Variants in IGFN1 observed in about 807,000 individuals in gnomAD.
IGFN1 encodes immunoglobulin-like and fibronectin type III domain-containing protein 1.
In IGFN1, 253 loss-of-function variants were observed where a neutral mutation model predicts 289.5. That is an observed-to-expected ratio of 0.87 (90% confidence interval 0.79 to 0.97). The LOEUF is 0.97. IGFN1 is among the 50% of genes least tolerant of loss of function. The pLI is 0.00. For missense variants in IGFN1, 4,470 were observed against 4,686.1 expected (o/e 0.95, Z 1.35); for synonymous variants, 1,706 against 1,788.5 (o/e 0.95, Z 1.16).
chr1:201,206,044 TG>T, intron 11 of IGFN1, 38 bp from the exon 12 acceptor site: 1 of 1,350,480 alleles, frequency 7.4e-7, no homozygotes, highest in Non-Finnish European at 1.0e-6. Context: ...TCTCTCCATG[TG>T]GGCACTGACC....
Position 201,209,194 on chromosome 1 carries a change from TG to T in IGFN1, c.4304del (p.Gly1435AlafsTer12). The T allele has an allele frequency of 1.3e-6, 2 of 1,499,396 alleles. No individual in the cohort carries two copies. Among genetic ancestry groups the T allele is most frequent in the Non-Finnish European group, 8.8e-7 (1 of 1,131,472 alleles). The allele number at this position is 1,499,396 out of a possible 1,614,324, so 92.9% of individuals were successfully genotyped here. A position where few individuals can be genotyped will look rare whatever the true frequency, so the allele number is the denominator to read the frequency against. On this transcript the variant is annotated frameshift_variant, in exon 12 of 24. Coordinates refer to ENST00000335211, the MANE Select transcript of IGFN1 (RefSeq NM_001164586.2). LOFTEE classifies it high-confidence loss of function. ...YREDLGAPEG[M>X]GTGSKAGYRD... ...GAGGATTTGGGGGCTCCTGAGGGAATGGGCACAGGGAGCAAGGCAGGTTATA... is the reference window on the plus strand; with the variant it reads ...GAGGATTTGGGGGCTCCTGAGGGAATGGCACAGGGAGCAAGGCAGGTTATA...
In IGFN1 at chr1:201,217,348, G is replaced by A; in HGVS notation, c.9657G>A (p.Leu3219=). The A allele has an allele frequency of 1.2e-6, 2 of 1,614,164 alleles. No homozygotes were observed. Among genetic ancestry groups the A allele is most frequent in the Non-Finnish European group, 1.7e-6 (2 of 1,180,020 alleles). ...ILSASSQGIT[L]TWTAPRGPGS... ...CGGCCTCCAGCCAGGGCATCACACT[G>A]ACATGGACAGCACCTCGGGGCCCCG... The change falls in exon 17 of 24, where the codon CTG becomes CTA. Residue 3219 remains leucine, a synonymous_variant. Coordinates refer to ENST00000335211, the MANE Select transcript of IGFN1 (RefSeq NM_001164586.2).
Position 201,211,218 on chromosome 1 carries a change from G to T in IGFN1, c.6325G>T (p.Asp2109Tyr), listed in dbSNP as rs1399750414. Residue 2109 changes from aspartate (D) to tyrosine (Y), a missense_variant, in exon 12 of 24, where the codon GAT becomes TAT. By Grantham distance (160) the Asp-to-Tyr change is radical. This residue lies in a region of IGFN1 where 2,218 missense variants were observed against 2,114.1 expected (regional missense o/e 1.05). Coordinates refer to ENST00000335211, the MANE Select transcript of IGFN1 (RefSeq NM_001164586.2). The stretch of plus-strand genomic sequence containing the variant: ...AATGGATGAGGCAGGTTATAGGAAG[G>T]ATTTGGGGGCTCCTGAGGGAATAGG... ...ESMDEAGYRK[D>Y]LGAPEGIGSG... 6.5e-7 allele frequency: 1 copy of T among 1,533,356 alleles called. No individual in the cohort carries two copies. The highest frequency in any genetic ancestry group is 1.4e-5 in the African/African-American group (1 of 72,282). The allele number at this position is 1,533,356 out of a possible 1,614,324, so 95.0% of individuals were successfully genotyped here.
chr1:201,216,892 A>G, intron 16 of IGFN1, 139 bp downstream of exon 16: 1 of 664,342 alleles, frequency 1.5e-6, no homozygotes, highest in Non-Finnish European at 2.5e-6. Flanking sequence ...CACTCTGGAG[A>G]CTCCTTCCCT....
chr1:201,212,244 C>A lies in IGFN1; in HGVS notation c.7351C>A (p.Gln2451Lys). 1 of 1,534,714 alleles carries A rather than the reference C, an allele frequency of 6.5e-7. No homozygotes were observed. The highest frequency in any genetic ancestry group is 8.7e-7 in the Non-Finnish European group (1 of 1,145,924). Residue 2451 changes from glutamine to lysine, a missense_variant, in exon 12 of 24, where the codon CAG becomes AAG. Physicochemically the swap from Gln to Lys is moderately conservative, Grantham distance 53 (BLOSUM62 1). Coordinates refer to ENST00000335211, the MANE Select transcript of IGFN1 (RefSeq NM_001164586.2). ...CAGGGGCACAGGGGTGCTGGGGTCTCAGGGAGGGCGACAGACTCTTTCAGA... is the reference window on the plus strand; with the variant it reads ...CAGGGGCACAGGGGTGCTGGGGTCTAAGGGAGGGCGACAGACTCTTTCAGA... Reference protein sequence around the residue: ...SLRGTGVLGSQGGRQTLSDER... With the variant: ...SLRGTGVLGSKGGRQTLSDER...
chr1:201,228,604 G>T lies in IGFN1; in HGVS notation c.*205G>T, dbSNP rs1245220566. On this transcript the variant is annotated 3_prime_UTR_variant, in exon 24 of 24. Coordinates refer to ENST00000335211, the MANE Select transcript of IGFN1 (RefSeq NM_001164586.2). ...AGGGAGGAGGGCATTCCACCTCCTG[G>T]CTCCAAGCTAAGTCACTCAACAGAA... The T allele has an allele frequency of 3.2e-6, 2 of 622,766 alleles. No homozygotes were observed. The highest frequency in any genetic ancestry group is 5.4e-5 in the Admixed American group (2 of 37,076). The allele number at this position is 622,766 out of a possible 1,614,324, so 38.6% of individuals were successfully genotyped here.
rs891755242 is a variant in IGFN1, at chr1:201,207,663, T to C, written c.2770T>C (p.Trp924Arg). ...GTCAATAGGGTCTGAACCAGATTTC[T>C]GGAATGGGTCAGGGAGCTCCAGAGT... ...PGSIGSEPDF[W>R]NGSGSSRVKG... Residue 924 changes from tryptophan (W) to arginine (R), a missense_variant, in exon 12 of 24, where the codon TGG (tryptophan) becomes CGG (arginine). Physicochemically the swap from Trp to Arg is moderately radical, Grantham distance 101 (BLOSUM62 -3). Around this residue, in one of 8 missense-constraint regions of IGFN1, gnomAD observed 2,011 missense variants for 1,953.4 expected, o/e 1.03. Transcript: ENST00000335211. The C allele has an allele frequency of 6.5e-7, 1 of 1,536,914 alleles. No homozygotes were observed. Among genetic ancestry groups the C allele is most frequent in the Non-Finnish European group, 8.7e-7 (1 of 1,146,874 alleles).
intron 1 of IGFN1, among the ~76,000 whole-genome samples, chr1:201,192,745 G>T (rs968319238): frequency 7.9e-5 from 12 of 152,166 alleles, no homozygotes; most frequent in Non-Finnish European, 1.5e-4. Flanking sequence ...TGGGGGAAGA[G>T]CCAGGAGGCC....
rs1340391284 is a variant in IGFN1, at chr1:201,201,744, G to T, written c.659G>T (p.Arg220Ile). Residue 220 changes from arginine to isoleucine, a missense_variant, in exon 9 of 24, where the codon AGA becomes ATA. Physicochemically the swap from Arg to Ile is moderately conservative, Grantham distance 97. Around this residue, in one of 8 missense-constraint regions of IGFN1, gnomAD observed 2,011 missense variants for 1,953.4 expected, o/e 1.03. Coordinates refer to ENST00000335211, the MANE Select transcript of IGFN1 (RefSeq NM_001164586.2). The part of the protein sequence containing the change: ...AQYINTISSL[R>I]HIRVTKDGNA... ...TACATCAACACCATCTCCAGCTTAA[G>T]ACACATCAGGGTCACCAAGGATGGG... The T allele has an allele frequency of 1.3e-6, 2 of 1,547,142 alleles. No individual in the cohort carries two copies. Among genetic ancestry groups the T allele is most frequent in the East Asian group, 4.9e-5 (2 of 40,838 alleles).
chr1:201,215,768 T>C lies in IGFN1; in HGVS notation c.9225T>C (p.Cys3075=), dbSNP rs758033982. 7.5e-6 allele frequency: 12 copies of C among 1,605,080 alleles called. No individual in the cohort carries two copies. Among genetic ancestry groups the C allele is most frequent in the Middle Eastern group, 3.3e-4 (2 of 6,034 alleles). The part of the protein sequence containing the change: ...LCLPSAGRKD[C]GQYSVTLRSE... ...TCCCCAGCGCAGGCAGGAAGGACTG[T>C]GGCCAGTACAGCGTGACACTGAGGA... Residue 3075 remains cysteine, a synonymous_variant, in exon 15 of 24, where the codon TGT becomes TGC. Coordinates refer to ENST00000335211, the MANE Select transcript of IGFN1 (RefSeq NM_001164586.2).
intron 5 of IGFN1, among the ~76,000 whole-genome samples, chr1:201,198,708 T>C (rs747832589): frequency 6.6e-6 from 1 of 152,202 alleles, no homozygotes; most frequent in Non-Finnish European, 1.5e-5. Context: ...ATTACAGGCA[T>C]GAACCATCAC....
intron 9 of IGFN1, 45 bp from the exon 10 acceptor site, chr1:201,203,693 T>C: frequency 1.3e-6 from 2 of 1,537,938 alleles, no homozygotes; most frequent in Non-Finnish European, 1.8e-6. Context: ...CAGGAAGCAC[T>C]GAGGACCCAC....
chr1:201,197,461 G>T, intron 5 of IGFN1, 144 bp downstream of exon 5: 3 of 629,828 alleles, frequency 4.8e-6, no homozygotes, highest in Admixed American at 4.6e-5. Flanking sequence ...CCCACCTTGT[G>T]CTGGGCCCCG....
In IGFN1 at chr1:201,213,370, AGGT is replaced by A. The variant is rs771892645; in HGVS notation, c.8478_8480del (p.Glu2826_Val2827delinsAsp). 1.1e-5 allele frequency: 18 copies of A among 1,612,282 alleles called. No homozygotes were observed. In the South Asian group the frequency reaches 1.8e-4, roughly 16 times the overall value. On this transcript the variant is annotated inframe_deletion, in exon 12 of 24. Coordinates refer to ENST00000335211, the MANE Select transcript of IGFN1 (RefSeq NM_001164586.2). ...AGGTCTCAGGCACAGTCAGGGGCTG[AGGT>A]TGGAGGAGGAAAGAGAAGGGGAGCA...
Position 201,200,351 on chromosome 1 carries a change from C to T in IGFN1, c.573C>T (p.Tyr191=). The part of the protein sequence containing the change: ...KICLKYGIVD[Y]RGMLRRLQEM... ...GCTTGAAGTATGGCATCGTCGACTA[C>T]CGTGGCATGTTGCGCAGGCTGCAGG... Residue 191 remains tyrosine (Y), a synonymous_variant, in exon 8 of 24, where the codon TAC becomes TAT. Transcript: ENST00000335211. The T allele has an allele frequency of 6.4e-7, 1 of 1,551,790 alleles. No individual in the cohort carries two copies. Among genetic ancestry groups the T allele is most frequent in the South Asian group, 1.2e-5 (1 of 84,064 alleles).
chr1:201,220,877 G>T (rs1332765265), intron 18 of IGFN1, among the ~76,000 whole-genome samples: 2 of 152,170 alleles, frequency 1.3e-5, no homozygotes, highest in Non-Finnish European at 2.9e-5. Context: ...GTATTTTTAA[G>T]CTCACCAGGT....
chr1:201,195,044 CTG>C (rs1258067585), intron 3 of IGFN1, among the ~76,000 whole-genome samples: 2 of 152,112 alleles, frequency 1.3e-5, no homozygotes, highest in African/African-American at 4.8e-5. Flanking sequence ...AGGCTGAAGC[CTG>C]TGTCTCAGCA....
intron 1 of IGFN1, among the ~76,000 whole-genome samples, chr1:201,192,816 GAATCCTTTCACAGCTGA>G (rs969030882): frequency 1.3e-5 from 2 of 152,190 alleles, no homozygotes; most frequent in Non-Finnish European, 2.9e-5. Flanking sequence ...AAAGGAGCCT[GAATCCTTTCACAGCTGA>G]AATCCTTTCA....
rs182332782 is a variant in IGFN1 at position 201,201,121 on chromosome 1, G to A, written c.634-598G>A. On this transcript the variant is annotated intron_variant, in intron 8 of 23. Transcript: ENST00000335211. ...GCTGGGATTACAGGCGTGAGCCACC[G>A]CACCTGGCTACCTGGTTTACTTCTA... is the stretch of plus-strand genomic sequence containing the variant. Among the ~76,000 whole-genome samples, 29 of 152,226 alleles carry A rather than the reference G, an allele frequency of 1.9e-4. No individual in the cohort carries two copies. The East Asian group carries it at 5.4e-3, about 28-fold the overall frequency.
Sources: allele counts gnomAD v4.1 joint callset (sites outside exome capture counted in the v4.1 genomes callset), GRCh38; gene constraint gnomAD v4.1.1; regional missense constraint gnomAD v4.1.1; transcripts MANE v1.5; gene names NCBI Gene and HGNC (gene_info 2026-07-23, HGNC 2026-07-21).